Variants in PELI2 observed in about 807,000 individuals in gnomAD.
PELI2 encodes E3 ubiquitin-protein ligase pellino homolog 2.
A neutral mutation model predicts 42.3 loss-of-function variants in PELI2; 23 were observed. That is an observed-to-expected ratio of 0.54 (90% CI 0.39 to 0.77). PELI2 has a LOEUF of 0.77. Among genes scored for constraint, PELI2 ranks in the 30% least tolerant of loss-of-function variants. The pLI is 0.00. For missense variants in PELI2, 463 were observed against 553.2 expected (o/e 0.84, Z 1.64); for synonymous variants, 245 against 212.2 (o/e 1.15, Z -1.34).
intron 1 of PELI2, among the ~76,000 whole-genome samples, chr14:56,149,226 A>G (rs937583467): frequency 1.3e-5 from 2 of 152,202 alleles, no homozygotes; most frequent in African/African-American, 4.8e-5. Flanking sequence ...GTGAAGTTAG[A>G]TGCTAAAATG....
At chr14:56,208,996 G>A (rs936486693) in intron 2 of PELI2, among the ~76,000 whole-genome samples, 27 of 152,126 alleles carry the variant, frequency 1.8e-4, no homozygotes, top group African/African-American at 5.8e-4. Flanking sequence ...TGACAGTTCC[G>A]AATACTTAAT....
chr14:56,284,730 C>G (rs1594714519), intron 3 of PELI2, among the ~76,000 whole-genome samples: 1 of 152,172 alleles, frequency 6.6e-6, no homozygotes, highest in African/African-American at 2.4e-5. Context: ...TAGGATTCAG[C>G]CTCCCTGTCA....
chr14:56,232,848 A>G (rs1320651573), intron 2 of PELI2, among the ~76,000 whole-genome samples: 4 of 151,730 alleles, frequency 2.6e-5, no homozygotes, highest in African/African-American at 9.7e-5. Flanking sequence ...ATGATTGTCT[A>G]TTTAGAAAAC....
At chr14:56,182,865 G>A (rs958931620) in intron 2 of PELI2, among the ~76,000 whole-genome samples, 6 of 152,084 alleles carry the variant, frequency 3.9e-5, no homozygotes, top group African/African-American at 1.4e-4. Context: ...ATGTGCTGGG[G>A]TCCACTTTGG....
intron 1 of PELI2, chr14:56,119,918 G>A (rs1477685794): frequency 1.9e-5 from 16 of 864,444 alleles, no homozygotes; most frequent in Non-Finnish European, 2.2e-5. Context: ...AGGGAACTTT[G>A]CAAAACGTGT....
chr14:56,145,253 G>A (rs1480760826), intron 1 of PELI2, among the ~76,000 whole-genome samples: 1 of 152,090 alleles, frequency 6.6e-6, no homozygotes, highest in Non-Finnish European at 1.5e-5. Flanking sequence ...GATCTCGTGA[G>A]AACTCTATCA....
intron 2 of PELI2, among the ~76,000 whole-genome samples, chr14:56,269,619 C>CA (rs1889028117): frequency 6.6e-6 from 1 of 152,152 alleles, no homozygotes; most frequent in African/African-American, 2.4e-5. Context: ...TTTCTGGGGA[C>CA]AAGGCCAGCA....
At chr14:56,248,236 A>G (rs1217804353) in intron 2 of PELI2, among the ~76,000 whole-genome samples, 4 of 152,226 alleles carry the variant, frequency 2.6e-5, no homozygotes, top group Non-Finnish European at 5.9e-5. Context: ...CGAACATGTC[A>G]TATGAGCCGA....
chr14:56,128,722 G>T (rs1883373580), intron 1 of PELI2, among the ~76,000 whole-genome samples: 1 of 151,940 alleles, frequency 6.6e-6, no homozygotes, highest in African/African-American at 2.4e-5. Context: ...TATTGTTGGG[G>T]TATTGAAATA....
chr14:56,237,065 C>T (rs186956435), intron 2 of PELI2, among the ~76,000 whole-genome samples: 355 of 152,296 alleles, frequency 2.3e-3, no homozygotes, highest in Admixed American at 4.2e-3. Context: ...TTCTGTCCCC[C>T]TTTAGCAAAT....
At chr14:56,146,544 T>G (rs557271626) in intron 1 of PELI2, among the ~76,000 whole-genome samples, 47 of 152,186 alleles carry the variant, frequency 3.1e-4, no homozygotes, top group Non-Finnish European at 5.7e-4. Context: ...GGTTGAAACT[T>G]GAAGGATGAG....
chr14:56,126,385 C>T (rs564004667), intron 1 of PELI2, among the ~76,000 whole-genome samples: 1 of 152,322 alleles, frequency 6.6e-6, no homozygotes, highest in South Asian at 2.1e-4. Flanking sequence ...GGTTTTCTTT[C>T]TAGCCATCCG....
intron 2 of PELI2, among the ~76,000 whole-genome samples, chr14:56,265,760 TC>T (rs1158851114): frequency 1.5e-4 from 23 of 151,984 alleles, no homozygotes; most frequent in Non-Finnish European, 5.9e-5. Context: ...GTAAGAAAAT[TC>T]AATTTTTGAA....
In PELI2 at chr14:56,288,376, G is replaced by T. The variant is rs1237089321; in HGVS notation, c.310-61G>T. ...GGAATCCTGAATGCTTTTTCCTTGTGAATAAAATACGGCACCCTGCTATTT... is the reference window on the plus strand; with the variant it reads ...GGAATCCTGAATGCTTTTTCCTTGTTAATAAAATACGGCACCCTGCTATTT... On this transcript the variant is annotated intron_variant, in intron 3 of 5. Transcript: ENST00000267460. This position sits in a 1 kb window ranked among gnomAD's most constrained non-coding sequence, Gnocchi z 4.6. 3.1e-6 allele frequency: 4 copies of T among 1,298,106 alleles called. No homozygotes were observed. The highest frequency in any genetic ancestry group is 1.5e-5 in the African/African-American group (1 of 68,680). The allele number at this position is 1,298,106 out of a possible 1,614,324, so 80.4% of individuals were successfully genotyped here. A position where few individuals can be genotyped will look rare whatever the true frequency, so the allele number is the denominator to read the frequency against.
At chr14:56,170,985 G>A (rs17091092) in intron 1 of PELI2, among the ~76,000 whole-genome samples, 15,098 of 152,192 alleles carry the variant, frequency 0.099, 1,954 homozygotes, top group African/African-American at 0.3. Flanking sequence ...AGCAGCACTC[G>A]GACATTTTAT....
At chr14:56,246,725 T>A (rs1206131599) in intron 2 of PELI2, among the ~76,000 whole-genome samples, 2 of 152,236 alleles carry the variant, frequency 1.3e-5, no homozygotes, top group Non-Finnish European at 2.9e-5. Context: ...GCTGGGAAAC[T>A]AAGACTCAAA....
At chr14:56,194,269 C>T (rs763209874) in intron 2 of PELI2, among the ~76,000 whole-genome samples, 14 of 152,126 alleles carry the variant, frequency 9.2e-5, no homozygotes, top group Non-Finnish European at 1.8e-4. Context: ...CTGTTCCTGT[C>T]GTCAGCATCC....
intron 2 of PELI2, among the ~76,000 whole-genome samples, chr14:56,189,937 T>TA (rs760113754): frequency 6.6e-6 from 1 of 152,346 alleles, no homozygotes; most frequent in South Asian, 2.1e-4. Context: ...AGAATGTACT[T>TA]ACCAATTACA....
At chr14:56,255,695 A>G (rs1035581910) in intron 2 of PELI2, among the ~76,000 whole-genome samples, 29 of 152,116 alleles carry the variant, frequency 1.9e-4, no homozygotes, top group African/African-American at 6.8e-4. Flanking sequence ...GGCAGGATGG[A>G]GGAGATAGTG....
Sources: allele counts gnomAD v4.1 joint callset (sites outside exome capture counted in the v4.1 genomes callset), GRCh38; gene constraint gnomAD v4.1.1; non-coding constraint Gnocchi (gnomAD v3.1); transcripts MANE v1.5; gene names NCBI Gene and HGNC (gene_info 2026-07-23, HGNC 2026-07-21).